Variants in ARSK observed in about 807,000 individuals in gnomAD.
ARSK encodes arylsulfatase family member K, also known as arylsulfatase K.
In ARSK, 37 loss-of-function variants were observed where a neutral mutation model predicts 53.2. The ratio of observed to expected loss-of-function variants is 0.70; its 90% CI spans 0.54 to 0.92. ARSK has a LOEUF of 0.92. Ranked by LOEUF, ARSK falls within the 40% of genes least tolerant of loss-of-function variation. The pLI is 0.00. For missense variants in ARSK, 613 were observed against 643.0 expected, an observed-to-expected ratio of 0.95 and a Z score of 0.51; for synonymous variants, 208 against 223.2, an observed-to-expected ratio of 0.93 and a Z score of 0.61.
chr5:95,589,218 C>T (rs961915670), intron 5 of ARSK, among the ~76,000 whole-genome samples: 4 of 152,134 alleles, frequency 2.6e-5, no homozygotes, highest in Non-Finnish European at 4.4e-5. Context: ...ACTAATTATT[C>T]GTCTGTTTAC....
chr5:95,556,196 C>T (rs1197056674), intron 1 of ARSK: 2 of 702,106 alleles, frequency 2.8e-6, no homozygotes, highest in African/African-American at 1.7e-5. Flanking sequence ...TGTTGTATTT[C>T]CTTTCTCGTA....
In ARSK at chr5:95,567,949, G is replaced by C. The variant is rs1226680875; in HGVS notation, c.316G>C (p.Asp106His). ...ATCTTGGAATAATTTTAAGGGTCTA[G>C]ATCCAAATTATACAACATGGATGGA... ...TESWNNFKGL[D>H]PNYTTWMDVM... The change falls in exon 3 of 8, where the codon GAT becomes CAT. Residue 106 changes from aspartate to histidine, a missense_variant. By Grantham distance (81) the Asp-to-His change is moderately conservative (BLOSUM62 -1). Coordinates refer to ENST00000380009, the MANE Select transcript of ARSK (RefSeq NM_198150.3). The C allele has an allele frequency of 1.2e-6, 2 of 1,613,074 alleles. No individual in the cohort carries two copies. Among genetic ancestry groups the C allele is most frequent in the Admixed American group, 3.3e-5 (2 of 59,944 alleles).
intron 3 of ARSK, chr5:95,580,897 G>T: frequency 7.8e-7 from 1 of 1,287,708 alleles, no homozygotes; most frequent in South Asian, 1.2e-5. Flanking sequence ...TTTAGGCACA[G>T]TGAACGTGGG....
At position 95,580,330 on chromosome 5, in the gene ARSK, C is replaced by T. The variant is rs547003036; in HGVS notation, c.417-2586C>T. Among the ~76,000 whole-genome samples the T allele has an allele frequency of 2.2e-4, 34 of 152,104 alleles. No homozygotes were observed. The South Asian group carries it at 2.9e-3, about 13-fold the overall frequency. ...AAAAAGTTATAGCAATTACTGGTGG[C>T]GGGGAAGAACACTTAGAACGATGAG... On this transcript the variant is annotated intron_variant, in intron 3 of 7. Coordinates refer to ENST00000380009, the MANE Select transcript of ARSK (RefSeq NM_198150.3).
At chr5:95,557,994 A>T (rs914930471) in intron 1 of ARSK, among the ~76,000 whole-genome samples, 5 of 152,222 alleles carry the variant, frequency 3.3e-5, no homozygotes, top group Admixed American at 6.5e-5. Flanking sequence ...GCAGTGAACT[A>T]TAGTTTTGAC....
intron 4 of ARSK, 32 bp downstream of exon 4, chr5:95,583,230 A>G: frequency 6.9e-7 from 1 of 1,448,128 alleles, no homozygotes; most frequent in Non-Finnish European, 9.2e-7. Context: ...GCTCAAAAGT[A>G]GATTTATATA....
chr5:95,558,347 G>T (rs1454917631), intron 1 of ARSK, among the ~76,000 whole-genome samples: 1 of 152,120 alleles, frequency 6.6e-6, no homozygotes, highest in Non-Finnish European at 1.5e-5. Flanking sequence ...AAAGCAAGCA[G>T]AATGGAGGAA....
chr5:95,586,712 G>T lies in ARSK; in HGVS notation c.850G>T (p.Ala284Ser). Reference protein sequence around the residue: ...NIRAFYYAMCAETDAMLGEII... With the variant: ...NIRAFYYAMCSETDAMLGEII... The stretch of plus-strand genomic sequence containing the variant: ...TAGAGCATTTTATTATGCTATGTGT[G>T]CTGAGACAGATGCCATGCTTGGTAG... Residue 284 changes from alanine to serine, a missense_variant, in exon 5 of 8, where the codon GCT (alanine) becomes TCT (serine). Transcript: ENST00000380009. 1 of 1,600,102 alleles carries T rather than the reference G, an allele frequency of 6.2e-7. No individual in the cohort carries two copies. The highest frequency in any genetic ancestry group is 8.5e-7 in the Non-Finnish European group (1 of 1,175,564).
Position 95,565,989 on chromosome 5 carries a change from T to C in ARSK, c.127-9T>C. The C allele has an allele frequency of 6.3e-7, 1 of 1,598,156 alleles. No individual in the cohort carries two copies. Among genetic ancestry groups the C allele is most frequent in the Non-Finnish European group, 8.5e-7 (1 of 1,174,586 alleles). On this transcript the variant is annotated splice_polypyrimidine_tract_variant and intron_variant, in intron 1 of 7. Transcript: ENST00000380009. The stretch of plus-strand genomic sequence containing the variant: ...GTAATCAATGCTAATTAAATTTCTT[T>C]ATTTCCAGGATGGAAGGTTAACATT...
intron 5 of ARSK, among the ~76,000 whole-genome samples, chr5:95,588,363 A>T (rs2112438547): frequency 6.6e-6 from 1 of 151,222 alleles, no homozygotes; most frequent in Middle Eastern, 3.4e-3. Flanking sequence ...CAGCCTCCCG[A>T]GTAGCTGGGA....
At chr5:95,596,403 C>T (rs188403006) in intron 6 of ARSK, among the ~76,000 whole-genome samples, 212 of 152,042 alleles carry the variant, frequency 1.4e-3, no homozygotes, top group African/African-American at 4.9e-3. Context: ...TTGTATGAAT[C>T]CTGTTTACAC....
At chr5:95,601,150 T>C in intron 7 of ARSK, 79 bp downstream of exon 7, 1 of 1,246,218 alleles carries the variant, frequency 8.0e-7, no homozygotes, top group Non-Finnish European at 1.1e-6. Flanking sequence ...AGATATCCAA[T>C]AATCCTTGTT....
intron 7 of ARSK, 130 bp from the exon 8 acceptor site, chr5:95,603,107 T>C: frequency 1.4e-6 from 1 of 697,208 alleles, no homozygotes; most frequent in Non-Finnish European, 2.2e-6. Flanking sequence ...TATACTGTCC[T>C]TCATTTTACT....
rs773863677 is a variant in ARSK, at chr5:95,601,041, G to T, written c.1291G>T (p.Asp431Tyr). 1.2e-6 allele frequency: 2 copies of T among 1,613,838 alleles called. No individual in the cohort carries two copies. The highest frequency in any genetic ancestry group is 1.7e-6 in the Non-Finnish European group (2 of 1,179,856). The change falls in exon 7 of 8, where the codon GAT becomes TAT. Residue 431 changes from aspartate to tyrosine, a missense_variant. Coordinates refer to ENST00000380009, the MANE Select transcript of ARSK (RefSeq NM_198150.3). ...CCACTGGAAATATATAGCCTATTCG[G>T]ATGGTGCATCAATATTGCCTCAACT... ...TNHWKYIAYS[D>Y]GASILPQLFD...
At chr5:95,595,473 T>C (rs1749291987) in intron 6 of ARSK, among the ~76,000 whole-genome samples, 2 of 152,138 alleles carry the variant, frequency 1.3e-5, no homozygotes, top group South Asian at 4.1e-4. Context: ...ATATACACCA[T>C]GGAATACTAC....
chr5:95,597,904 A>AGG (rs1554055434), intron 6 of ARSK, among the ~76,000 whole-genome samples: 1 of 136,584 alleles, frequency 7.3e-6, no homozygotes, highest in African/African-American at 2.7e-5. Context: ...AAAAAAAAAA[A>AGG]GTGGGGGGCG....
rs57414975 is a variant in ARSK at position 95,575,057 on chromosome 5, C to T, written c.416+7008C>T. 8.0e-3 allele frequency among the ~76,000 whole-genome samples: 1,218 copies of T among 152,202 alleles called. 17 individuals carry two copies. Among genetic ancestry groups the T allele is most frequent in the African/African-American group, 0.027 (1,121 of 41,522 alleles). Reference sequence around the variant, plus strand: ...ATAGAGATCTAGTTTCATTTTTCTGCGTATGGATATCCAGTTTTCCCAGCA... The same window carrying T: ...ATAGAGATCTAGTTTCATTTTTCTGTGTATGGATATCCAGTTTTCCCAGCA... On this transcript the variant is annotated intron_variant, in intron 3 of 7. Transcript: ENST00000380009.
At chr5:95,573,188 C>T (rs1423406868) in intron 3 of ARSK, among the ~76,000 whole-genome samples, 4 of 152,080 alleles carry the variant, frequency 2.6e-5, no homozygotes, top group Non-Finnish European at 4.4e-5. Context: ...TTTATTCTTT[C>T]ATATTCTAAG....
At chr5:95,575,227 A>G (rs1262862879) in intron 3 of ARSK, among the ~76,000 whole-genome samples, 4 of 152,142 alleles carry the variant, frequency 2.6e-5, no homozygotes, top group Admixed American at 6.6e-5. Context: ...TGCCAGTACC[A>G]TGCTATTTTG....
Sources: allele counts gnomAD v4.1 joint callset (sites outside exome capture counted in the v4.1 genomes callset), GRCh38; gene constraint gnomAD v4.1.1; transcripts MANE v1.5; gene names NCBI Gene and HGNC (gene_info 2026-07-23, HGNC 2026-07-21).